The following EIF5B variants were observed in gnomAD, a reference collection of about 807,000 sequenced individuals.
EIF5B encodes the protein eIF-5B.
In EIF5B, 47 loss-of-function variants were observed where a neutral mutation model predicts 147.5. That is an observed-to-expected ratio of 0.32 (90% CI 0.25 to 0.41). The LOEUF is 0.41. Among genes scored for constraint, EIF5B ranks in the 10% least tolerant of loss-of-function variants. The pLI, the probability that EIF5B is intolerant of heterozygous loss-of-function variation, is 1.00. For synonymous variants in EIF5B, 455 were observed against 456.2 expected, an observed-to-expected ratio of 1.00 and a Z score of 0.03; for missense variants, 1,064 against 1,413.2, an observed-to-expected ratio of 0.75 and a Z score of 3.96.
At chr2:99,389,124 T>A (rs1674869948) in intron 14 of EIF5B, among the ~76,000 whole-genome samples, 1 of 152,182 alleles carries the variant, frequency 6.6e-6, no homozygotes, top group African/African-American at 2.4e-5. Flanking sequence ...ATTCGTCTGA[T>A]TCTTTATTTT....
chr2:99,372,216 C>T (rs1351180328), intron 9 of EIF5B, among the ~76,000 whole-genome samples: 1 of 152,250 alleles, frequency 6.6e-6, no homozygotes, highest in Non-Finnish European at 1.5e-5. Flanking sequence ...AGCCTCCCCC[C>T]ATCTTTGTTT....
intron 1 of EIF5B, among the ~76,000 whole-genome samples, chr2:99,351,719 A>G (rs1490110372): frequency 6.6e-6 from 1 of 151,734 alleles, no homozygotes; most frequent in African/African-American, 2.4e-5. Flanking sequence ...TGTTTTTGAG[A>G]CGAAGTCTCA....
At chr2:99,376,109 C>G (rs7597045) in intron 9 of EIF5B, among the ~76,000 whole-genome samples, 66,400 of 151,922 alleles carry the variant, frequency 0.44, 14,789 homozygotes, top group Admixed American at 0.57. Context: ...TGGCCTAGCA[C>G]AAATTTGTAA....
Position 99,361,137 on chromosome 2 carries a change from A to G in EIF5B, c.247-11A>G, listed in dbSNP as rs1674202995. 6.8e-7 allele frequency: 1 copy of G among 1,473,614 alleles called. No individual in the cohort carries two copies. The highest frequency in any genetic ancestry group is 9.0e-7 in the Non-Finnish European group (1 of 1,114,556). The allele number at this position is 1,473,614 out of a possible 1,614,324, so 91.3% of individuals were successfully genotyped here. ...TTCTGTTAATTTTTTCTAACAATGG[A>G]AATTTTTTAGCCAACAGAAAACAAT... On this transcript the variant is annotated splice_polypyrimidine_tract_variant and intron_variant, in intron 3 of 23. Coordinates refer to ENST00000289371, the MANE Select transcript of EIF5B (RefSeq NM_015904.4).
intron 23 of EIF5B, 53 bp from the exon 24 acceptor site, chr2:99,399,254 T>G: frequency 6.4e-7 from 1 of 1,564,406 alleles, no homozygotes; most frequent in African/African-American, 1.4e-5. Flanking sequence ...CACAGCTTTC[T>G]TTGGCACGTT....
chr2:99,338,523 T>C, intron 1 of EIF5B: 1 of 343,182 alleles, frequency 2.9e-6, no homozygotes, highest in Non-Finnish European at 5.7e-6. Flanking sequence ...AGATATGTTG[T>C]CTTGAAGTTA....
chr2:99,338,335 T>A, intron 1 of EIF5B: 1 of 1,289,124 alleles, frequency 7.8e-7, no homozygotes, highest in South Asian at 1.2e-5. Context: ...TTTTGAGACA[T>A]TTCTGTGTGT....
intron 1 of EIF5B, among the ~76,000 whole-genome samples, chr2:99,345,681 A>AT (rs1433374780): frequency 6.6e-6 from 1 of 151,640 alleles, no homozygotes; most frequent in African/African-American, 2.4e-5. Flanking sequence ...GCGGTGGCTC[A>AT]TGTCTGTAAT....
intron 22 of EIF5B, chr2:99,397,804 C>T (rs1167421357): frequency 6.6e-6 from 1 of 152,130 alleles, no homozygotes; most frequent in Non-Finnish European, 1.5e-5. Flanking sequence ...CTTTAGTACC[C>T]ACTGGCAAGC....
intron 21 of EIF5B, among the ~76,000 whole-genome samples, chr2:99,396,277 A>G (rs1249468348): frequency 1.3e-5 from 2 of 152,222 alleles, no homozygotes; most frequent in Non-Finnish European, 2.9e-5. Context: ...GTAGTTATGT[A>G]GTGGCCTTTT....
chr2:99,348,319 T>C, intron 1 of EIF5B, among the ~76,000 whole-genome samples: 1 of 152,186 alleles, frequency 6.6e-6, no homozygotes, highest in Admixed American at 6.6e-5. Context: ...TCTCAGCTTA[T>C]TGATTGTAGT....
At chr2:99,374,288 TAAAAA>T (rs33936603) in intron 9 of EIF5B, among the ~76,000 whole-genome samples, 5 of 108,728 alleles carry the variant, frequency 4.6e-5, no homozygotes, top group East Asian at 3.0e-4. Flanking sequence ...GACTCTTACC[TAAAAA>T]AAAAAAAAAA....
chr2:99,342,338 T>C (rs1025308037), intron 1 of EIF5B, among the ~76,000 whole-genome samples: 3 of 152,244 alleles, frequency 2.0e-5, no homozygotes, highest in Non-Finnish European at 4.4e-5. Context: ...TTGACATCTT[T>C]ATGGTGTTGA....
At chr2:99,397,474 C>T (rs1164250885) in intron 22 of EIF5B, 1 of 148,508 alleles carries the variant, frequency 6.7e-6, no homozygotes, top group Non-Finnish European at 1.5e-5. Context: ...GAGCCTCAGT[C>T]AAGAACAGTC....
At chr2:99,337,727 C>A in intron 1 of EIF5B, 138 bp downstream of exon 1, 1 of 1,151,174 alleles carries the variant, frequency 8.7e-7, no homozygotes, top group Non-Finnish European at 1.2e-6. Context: ...CCAGAGTGTG[C>A]GGAGCGGGCC....
chr2:99,394,963 A>T, intron 21 of EIF5B, 80 bp downstream of exon 21: 1 of 1,320,274 alleles, frequency 7.6e-7, no homozygotes, highest in Non-Finnish European at 1.0e-6. Flanking sequence ...AAGGGCTGTA[A>T]ACAGCAAAAT....
chr2:99,381,967 G>T (rs1048974235), intron 12 of EIF5B, among the ~76,000 whole-genome samples, 192 bp from the exon 13 acceptor site: 4 of 151,900 alleles, frequency 2.6e-5, no homozygotes, highest in Non-Finnish European at 5.9e-5. Context: ...GTATTTTTTT[G>T]TTAAAATGCC....
intron 1 of EIF5B, among the ~76,000 whole-genome samples, chr2:99,354,553 A>C (rs939264684): frequency 5.3e-5 from 8 of 152,158 alleles, no homozygotes; most frequent in African/African-American, 1.9e-4. Flanking sequence ...TTGTGCTTTT[A>C]GTTTCAAGTC....
intron 1 of EIF5B, among the ~76,000 whole-genome samples, chr2:99,356,891 A>G (rs1419526097): frequency 2.7e-5 from 4 of 150,872 alleles, no homozygotes; most frequent in South Asian, 2.1e-4. Context: ...TTTTTCATCT[A>G]CTCCCCCTGC....
Sources: gnomAD v4.1 joint callset for allele counts (sites outside exome capture counted in the v4.1 genomes callset) on GRCh38, gnomAD v4.1.1 for gene constraint, MANE v1.5 for transcripts, NCBI Gene and HGNC (gene_info 2026-07-23, HGNC 2026-07-21) for gene names.